SGPP2: variants seen among roughly 807,000 people sequenced by gnomAD.
SGPP2 encodes sphingosine 1-phosphate phosphohydrolase 2.
In SGPP2, 30 loss-of-function variants were observed where a neutral mutation model predicts 33.9. The ratio of observed to expected loss-of-function variants is 0.89; its 90% CI spans 0.66 to 1.20. The LOEUF (loss-of-function observed/expected upper bound fraction) is 1.20, where lower values mean the gene tolerates loss of function less well. Ranked by LOEUF, SGPP2 falls within the 50% of genes most tolerant of loss-of-function variation. SGPP2 has a pLI of 0.00. For synonymous variants in SGPP2, 233 were observed against 225.0 expected (o/e 1.04, Z -0.32); for missense variants, 458 against 532.1 (o/e 0.86, Z 1.37).
rs141391402 is a variant in SGPP2, at chr2:222,558,791, C to T, written c.1093C>T (p.Arg365Trp). The change falls in exon 5 of 5, where the codon CGG (arginine) becomes TGG (tryptophan). Residue 365 changes from arginine to tryptophan, a missense_variant. Physicochemically the swap from Arg to Trp is moderately radical, Grantham distance 101. Coordinates refer to ENST00000321276, the MANE Select transcript of SGPP2 (RefSeq NM_152386.4). ...GGTCACCAGGAACAAGGAGGCCAGG[C>T]GGAGACTGGAGATTGAAGTGCCTTA... ...KVVTRNKEAR[R>W]RLEIEVPYKF... 43 of 1,613,968 alleles carry T rather than the reference C, an allele frequency of 2.7e-5. No homozygotes were observed. The highest frequency in any genetic ancestry group is 3.3e-5 in the Non-Finnish European group (39 of 1,180,040).
chr2:222,460,057 G>A lies in SGPP2; in HGVS notation c.220-14511G>A, dbSNP rs1205794701. 1.3e-5 allele frequency among the ~76,000 whole-genome samples: 2 copies of A among 152,216 alleles called. No homozygotes were observed. The highest frequency in any genetic ancestry group is 2.9e-5 in the Non-Finnish European group (2 of 68,038). On this transcript the variant is annotated intron_variant, in intron 1 of 4. Transcript: ENST00000321276. This position sits in a 1 kb window ranked among gnomAD's most constrained non-coding sequence, Gnocchi z 4.3. ...TTTTCAGAGCAGGAATCTGAAGCGC[G>A]CGGCCCTCGGTGACGGGGCTCAGTC...
At chr2:222,494,160 C>G (rs1409849793) in intron 2 of SGPP2, among the ~76,000 whole-genome samples, 3 of 152,186 alleles carry the variant, frequency 2.0e-5, no homozygotes, top group Non-Finnish European at 4.4e-5. Flanking sequence ...CTCTGCTGAA[C>G]CCATTGGAAC....
intron 2 of SGPP2, among the ~76,000 whole-genome samples, chr2:222,508,719 C>A (rs1574868115): frequency 2.0e-5 from 3 of 152,142 alleles, no homozygotes; most frequent in Non-Finnish European, 4.4e-5. Context: ...AATGTTGTAA[C>A]TTAATTTTTC....
chr2:222,507,722 G>A (rs1698465726), intron 2 of SGPP2, among the ~76,000 whole-genome samples: 1 of 152,156 alleles, frequency 6.6e-6, no homozygotes, highest in African/African-American at 2.4e-5. Flanking sequence ...TAATCCCCTT[G>A]TGAATCTACC....
intron 2 of SGPP2, among the ~76,000 whole-genome samples, chr2:222,519,212 C>T (rs1006673291): frequency 6.6e-6 from 1 of 152,254 alleles, no homozygotes. Flanking sequence ...CTATATAGTG[C>T]GGTGCTTCTT....
intron 1 of SGPP2, among the ~76,000 whole-genome samples, chr2:222,432,127 A>G (rs909836004): frequency 5.3e-5 from 8 of 152,222 alleles, no homozygotes; most frequent in Admixed American, 1.3e-4. Context: ...GGAATTGGCA[A>G]CTGAGAGCAC....
At chr2:222,431,189 TA>T (rs71053081) in intron 1 of SGPP2, among the ~76,000 whole-genome samples, 113,274 of 148,688 alleles carry the variant, frequency 0.76, 43,051 homozygotes, top group Middle Eastern at 0.88. Flanking sequence ...AAACTTTTCT[TA>T]AAAAAAAAAA....
At position 222,470,542 on chromosome 2, in the gene SGPP2, T is replaced by C. The variant is rs1697822301; in HGVS notation, c.220-4026T>C. 2.0e-5 allele frequency among the ~76,000 whole-genome samples: 3 copies of C among 152,228 alleles called. No individual in the cohort carries two copies. In the South Asian group the frequency reaches 6.2e-4, roughly 31 times the overall value. The stretch of plus-strand genomic sequence containing the variant: ...TCCTGAGAGATTGTAATAAAGCCTG[T>C]CTAAAGATATTAGTTAGTGATATGT... On this transcript the variant is annotated intron_variant, in intron 1 of 4. Transcript: ENST00000321276.
At chr2:222,449,046 G>A (rs922551471) in intron 1 of SGPP2, among the ~76,000 whole-genome samples, 13 of 152,298 alleles carry the variant, frequency 8.5e-5, no homozygotes, top group African/African-American at 3.1e-4. Flanking sequence ...CATTAGGACT[G>A]GATTACAGAG....
chr2:222,458,313 C>G (rs1487205245), intron 1 of SGPP2, among the ~76,000 whole-genome samples: 1 of 152,010 alleles, frequency 6.6e-6, no homozygotes, highest in African/African-American at 2.4e-5. Flanking sequence ...CCACATCCTC[C>G]CAAAGTGTTG....
chr2:222,469,181 C>T (rs1574846550), intron 1 of SGPP2, among the ~76,000 whole-genome samples: 1 of 152,108 alleles, frequency 6.6e-6, no homozygotes, highest in South Asian at 2.1e-4. Flanking sequence ...TGCTAAGAAA[C>T]ATTTTATTTC....
At chr2:222,502,319 G>A (rs1698379910) in intron 2 of SGPP2, among the ~76,000 whole-genome samples, 1 of 152,184 alleles carries the variant, frequency 6.6e-6, no homozygotes. Flanking sequence ...AAAATAGCCA[G>A]GATCCTTTGA....
Position 222,479,712 on chromosome 2 carries a change from C to T in SGPP2, c.378+4986C>T, listed in dbSNP as rs528172409. 2.6e-5 allele frequency among the ~76,000 whole-genome samples: 4 copies of T among 152,224 alleles called. No individual in the cohort carries two copies. In the South Asian group the frequency reaches 8.3e-4, roughly 32 times the overall value. ...GCCACCGCGCCCGGCCTCTTATCTACCCTTCTTAACCCATTTATGCCTAGT... is the reference window on the plus strand; with the variant it reads ...GCCACCGCGCCCGGCCTCTTATCTATCCTTCTTAACCCATTTATGCCTAGT... On this transcript the variant is annotated intron_variant, in intron 2 of 4. Transcript: ENST00000321276.
intron 2 of SGPP2, among the ~76,000 whole-genome samples, chr2:222,481,476 T>C (rs1433923960): frequency 6.6e-6 from 1 of 152,220 alleles, no homozygotes; most frequent in African/African-American, 2.4e-5. Flanking sequence ...AGTGTATCTT[T>C]ATATGTAAGA....
Position 222,511,168 on chromosome 2 carries a change from G to A in SGPP2, c.379-10599G>A, listed in dbSNP as rs575558655. On this transcript the variant is annotated intron_variant, in intron 2 of 4. Coordinates refer to ENST00000321276, the MANE Select transcript of SGPP2 (RefSeq NM_152386.4). ...CGTTTTCTCTGCCGTCCCCATATGAGCCCAGCCATCCAGAACAGAGCCCAT... is the reference window on the plus strand; with the variant it reads ...CGTTTTCTCTGCCGTCCCCATATGAACCCAGCCATCCAGAACAGAGCCCAT... 9.2e-5 allele frequency among the ~76,000 whole-genome samples: 14 copies of A among 152,230 alleles called. No individual in the cohort carries two copies. In the East Asian group the frequency reaches 2.7e-3, roughly 29 times the overall value.
intron 3 of SGPP2, 99 bp downstream of exon 3, chr2:222,522,045 G>A: frequency 9.0e-7 from 1 of 1,106,592 alleles, no homozygotes; most frequent in Non-Finnish European, 1.2e-6. Flanking sequence ...GGGACCTTAA[G>A]GTTTATGAAA....
chr2:222,558,539 C>T lies in SGPP2; in HGVS notation c.841C>T (p.Leu281=), dbSNP rs202074129. ...AACCCGGGCGGACACCACCACCATT[C>T]TGGCTGCCGGGGCTGGAGTGACCAT... is the stretch of plus-strand genomic sequence containing the variant. ...SPTRADTTTI[L]AAGAGVTIGF... Residue 281 remains leucine (L), a synonymous_variant, in exon 5 of 5, where the codon CTG becomes TTG. Transcript: ENST00000321276. The T allele has an allele frequency of 2.7e-5, 44 of 1,614,100 alleles. No individual in the cohort carries two copies. In the Middle Eastern group the frequency reaches 6.6e-4, roughly 24 times the overall value.
intron 2 of SGPP2, among the ~76,000 whole-genome samples, chr2:222,484,630 C>A (rs1017834432): frequency 6.6e-6 from 1 of 152,100 alleles, no homozygotes; most frequent in African/African-American, 2.4e-5. Context: ...ACAGTCATTG[C>A]CAAGTTACAT....
At chr2:222,478,309 G>T (rs1306894521) in intron 2 of SGPP2, among the ~76,000 whole-genome samples, 1 of 150,592 alleles carries the variant, frequency 6.6e-6, no homozygotes, top group Non-Finnish European at 1.5e-5. Flanking sequence ...ACGTACGCGT[G>T]TTGGGATTAG....
Sources: gnomAD v4.1 joint callset for allele counts (sites outside exome capture counted in the v4.1 genomes callset) on GRCh38, gnomAD v4.1.1 for gene constraint, Gnocchi (gnomAD v3.1) non-coding constraint, MANE v1.5 for transcripts, NCBI Gene and HGNC (gene_info 2026-07-23, HGNC 2026-07-21) for gene names.